FRYL: variants seen among roughly 807,000 people sequenced by gnomAD.
FRYL encodes FRY like transcription coactivator.
A neutral mutation model predicts 351.2 loss-of-function variants in FRYL; 150 were observed. The observed-to-expected ratio is 0.43, with a 90% CI of 0.37 to 0.49. The LOEUF (loss-of-function observed/expected upper bound fraction) is 0.49, where lower values mean the gene tolerates loss of function less well. Among genes scored for constraint, FRYL ranks in the 20% least tolerant of loss-of-function variants. The pLI, the probability that FRYL is intolerant of heterozygous loss-of-function variation, is 0.00. For missense variants in FRYL, 3,036 were observed against 3,619.3 expected, an observed-to-expected ratio of 0.84 and a Z score of 4.13; for synonymous variants, 1,153 against 1,257.1, an observed-to-expected ratio of 0.92 and a Z score of 1.75.
chr4:48,625,697 A>G (rs1437369434), intron 4 of FRYL, among the ~76,000 whole-genome samples: 1 of 152,158 alleles, frequency 6.6e-6, no homozygotes, highest in Non-Finnish European at 1.5e-5. Context: ...TTTGATATCC[A>G]AGGGAGGTCT....
chr4:48,551,627 A>G (rs376564669), intron 36 of FRYL, 49 bp from the exon 37 acceptor site: 1 of 1,116,306 alleles, frequency 9.0e-7, no homozygotes, highest in African/African-American at 1.5e-5. Flanking sequence ...ACCTGGAATA[A>G]CCCAATAAGA....
At chr4:48,724,121 C>A (rs2149613214) in intron 1 of FRYL, among the ~76,000 whole-genome samples, 1 of 151,368 alleles carries the variant, frequency 6.6e-6, no homozygotes, top group East Asian at 1.9e-4. Flanking sequence ...GAGCAAGACC[C>A]CATCTCAAAA....
chr4:48,499,165 T>C lies in FRYL; in HGVS notation c.*257A>G. On this transcript the variant is annotated 3_prime_UTR_variant, in exon 64 of 64. Coordinates refer to ENST00000358350, the MANE Select transcript of FRYL (RefSeq NM_015030.2). Reference sequence around the variant, plus strand: ...TATTTGTAGGCATCACTTTTAGCCCTTTTCTTTTCACGTAGGTTAAGTAAT... The same window carrying C: ...TATTTGTAGGCATCACTTTTAGCCCCTTTCTTTTCACGTAGGTTAAGTAAT... 2.5e-6 allele frequency: 1 copy of C among 393,090 alleles called. No individual in the cohort carries two copies. The highest frequency in any genetic ancestry group is 4.7e-6 in the Non-Finnish European group (1 of 214,360). 24.4% of individuals were successfully genotyped at this position (393,090 alleles called of 1,614,324 possible).
intron 7 of FRYL, among the ~76,000 whole-genome samples, chr4:48,611,494 C>T (rs1369612278): frequency 6.6e-6 from 1 of 151,908 alleles, no homozygotes; most frequent in East Asian, 1.9e-4. Context: ...TTCTATCAAT[C>T]AATTTGTATG....
chr4:48,657,962 C>T (rs1759598000), intron 3 of FRYL, among the ~76,000 whole-genome samples: 1 of 152,180 alleles, frequency 6.6e-6, no homozygotes, highest in African/African-American at 2.4e-5. Flanking sequence ...GCCCATTTAA[C>T]TGGCATTTTG....
chr4:48,752,795 TG>T (rs999899968), intron 1 of FRYL, among the ~76,000 whole-genome samples: 7 of 152,234 alleles, frequency 4.6e-5, no homozygotes, highest in African/African-American at 1.7e-4. Context: ...TTCAAAAGTA[TG>T]TTTACAAAAG....
intron 3 of FRYL, among the ~76,000 whole-genome samples, chr4:48,646,611 C>T (rs1756526173): frequency 6.6e-6 from 1 of 152,162 alleles, no homozygotes; most frequent in Non-Finnish European, 1.5e-5. Flanking sequence ...CAAACAGTTA[C>T]TTCCAGAAAA....
At chr4:48,507,262 C>G (rs1186682396) in intron 59 of FRYL, among the ~76,000 whole-genome samples, 1 of 152,152 alleles carries the variant, frequency 6.6e-6, no homozygotes, top group Non-Finnish European at 1.5e-5. Context: ...TGGCTGCACA[C>G]TGGCCTGAGA....
chr4:48,548,180 T>C (rs1316635905), intron 40 of FRYL, among the ~76,000 whole-genome samples: 4 of 152,250 alleles, frequency 2.6e-5, no homozygotes, highest in South Asian at 2.1e-4. Context: ...TATAAGGAGA[T>C]GGCTATCTGG....
chr4:48,635,783 T>G (rs545285927), intron 3 of FRYL, among the ~76,000 whole-genome samples: 1 of 152,318 alleles, frequency 6.6e-6, no homozygotes, highest in Non-Finnish European at 1.5e-5. Flanking sequence ...AGTTTGTGCT[T>G]CTTTACCTCA....
chr4:48,585,630 C>T (rs554390446), intron 19 of FRYL, among the ~76,000 whole-genome samples: 321 of 152,270 alleles, frequency 2.1e-3, no homozygotes, highest in Non-Finnish European at 3.7e-3. Flanking sequence ...CGCAGTCATG[C>T]GCACTCTATT....
chr4:48,744,936 C>A (rs1055509474), intron 1 of FRYL, among the ~76,000 whole-genome samples: 1 of 152,034 alleles, frequency 6.6e-6, no homozygotes, highest in African/African-American at 2.4e-5. Flanking sequence ...CTTCTGTGTA[C>A]AAAGAAGGCG....
At chr4:48,503,509 G>GT (rs1720196817) in intron 60 of FRYL, among the ~76,000 whole-genome samples, 2 of 152,170 alleles carry the variant, frequency 1.3e-5, no homozygotes, top group African/African-American at 4.8e-5. Context: ...CATAATGTAT[G>GT]TAAAACACAG....
At chr4:48,640,783 C>G (rs1175405100) in intron 3 of FRYL, among the ~76,000 whole-genome samples, 3 of 151,952 alleles carry the variant, frequency 2.0e-5, no homozygotes, top group African/African-American at 7.3e-5. Flanking sequence ...CGAAATTATG[C>G]TAAAAAATAA....
chr4:48,622,551 A>G (rs1750876929), intron 5 of FRYL, among the ~76,000 whole-genome samples: 1 of 152,196 alleles, frequency 6.6e-6, no homozygotes, highest in Admixed American at 6.5e-5. Context: ...AATTAGCCTG[A>G]TATGAACATT....
intron 19 of FRYL, among the ~76,000 whole-genome samples, chr4:48,585,915 T>C (rs1742002442): frequency 6.6e-6 from 1 of 152,226 alleles, no homozygotes; most frequent in African/African-American, 2.4e-5. Flanking sequence ...CTATGAACAC[T>C]AGGTCTTACT....
chr4:48,531,250 G>T lies in FRYL; in HGVS notation c.6809C>A (p.Thr2270Lys). 1 of 1,611,442 alleles carries T rather than the reference G, an allele frequency of 6.2e-7. No homozygotes were observed. Reference protein sequence around the residue: ...SDIPKTYGGDTGSPEISFTKI... With the variant: ...SDIPKTYGGDKGSPEISFTKI... ...AGTGAAGGATATTTCAGGAGAACCT[G>T]TATCTCCTCCATAGGTCTTGGGGAT... Residue 2270 changes from threonine to lysine, a missense_variant, in exon 50 of 64, where the codon ACA becomes AAA. By Grantham distance (78) the Thr-to-Lys change is moderately conservative. Coordinates refer to ENST00000358350, the MANE Select transcript of FRYL (RefSeq NM_015030.2).
At position 48,544,884 on chromosome 4, in the gene FRYL, T is replaced by C. The variant is rs1730994774; in HGVS notation, c.5300A>G (p.Asn1767Ser). The C allele has an allele frequency of 6.2e-7, 1 of 1,603,488 alleles. No homozygotes were observed. Among genetic ancestry groups the C allele is most frequent in the African/African-American group, 1.3e-5 (1 of 74,154 alleles). Residue 1767 changes from asparagine to serine, a missense_variant, in exon 43 of 64, where the codon AAC becomes AGC. Asn to Ser is a conservative substitution (Grantham distance 46, BLOSUM62 1). Coordinates refer to ENST00000358350, the MANE Select transcript of FRYL (RefSeq NM_015030.2). ...ATTCTTGGCAGAAACATCCTCATGG[T>C]TCCAAAGGGGCCCTCTTTTTCTGAA... ...ITSRKRGPLW[N>S]HEDVSAKNPS...
chr4:48,765,094 C>T (rs1474197779), intron 1 of FRYL, among the ~76,000 whole-genome samples: 2 of 152,178 alleles, frequency 1.3e-5, no homozygotes. Flanking sequence ...CCCCCCACCT[C>T]GGCCTCCCAA....
Sources: gnomAD v4.1 joint callset for allele counts (sites outside exome capture counted in the v4.1 genomes callset) on GRCh38, gnomAD v4.1.1 for gene constraint, MANE v1.5 for transcripts, NCBI Gene and HGNC (gene_info 2026-07-23, HGNC 2026-07-21) for gene names.